Variants in MYO9B observed in about 807,000 individuals in gnomAD.
MYO9B encodes the protein unconventional myosin-IXb.
In MYO9B, 71 loss-of-function variants were observed where a neutral mutation model predicts 229.5. That is an observed-to-expected ratio of 0.31 (90% confidence interval 0.26 to 0.38). The LOEUF (loss-of-function observed/expected upper bound fraction) is 0.38. Ranked by LOEUF, MYO9B falls within the 10% of genes least tolerant of loss-of-function variation. The pLI is 1.00. For synonymous variants in MYO9B, 1,185 were observed against 1,235.8 expected, an observed-to-expected ratio of 0.96 and a Z score of 0.86; for missense variants, 2,255 against 2,920.5, an observed-to-expected ratio of 0.77 and a Z score of 5.25.
At chr19:17,080,927 T>C (rs1453083278) in intron 1 of MYO9B, among the ~76,000 whole-genome samples, 1 of 152,112 alleles carries the variant, frequency 6.6e-6, no homozygotes, top group East Asian at 1.9e-4. Context: ...GGTTTAGGAT[T>C]TCAATATGTG....
chr19:17,086,897 C>T (rs1031149324), intron 1 of MYO9B, among the ~76,000 whole-genome samples: 13 of 149,748 alleles, frequency 8.7e-5, no homozygotes, highest in Non-Finnish European at 1.6e-4. Context: ...AAAAAAGTCT[C>T]CAGACATTGT....
At chr19:17,107,856 T>A (rs2057806972) in intron 2 of MYO9B, among the ~76,000 whole-genome samples, 1 of 151,972 alleles carries the variant, frequency 6.6e-6, no homozygotes, top group Non-Finnish European at 1.5e-5. Flanking sequence ...TATTTCCAAA[T>A]AAGGTCACAT....
rs1213702207 is a variant in MYO9B, at chr19:17,163,241, TC to T, written c.1671+120del. ...AGCGGCGGTAAGTACATTCACATAT[TC>T]GCATTGTTATGCAAACGCCACCACC... On this transcript the variant is annotated intron_variant, in intron 10 of 39. Coordinates refer to ENST00000682292, the MANE Select transcript of MYO9B (RefSeq NM_004145.4). 2.0e-5 allele frequency: 23 copies of T among 1,163,526 alleles called. No homozygotes were observed. The East Asian group carries it at 6.0e-4, about 30-fold the overall frequency. The allele number at this position is 1,163,526 out of a possible 1,614,324, so 72.1% of individuals were successfully genotyped here. A position where few individuals can be genotyped will look rare whatever the true frequency, so the allele number is the denominator to read the frequency against.
chr19:17,166,829 G>T (rs2072665005), intron 10 of MYO9B, among the ~76,000 whole-genome samples: 1 of 152,160 alleles, frequency 6.6e-6, no homozygotes, highest in South Asian at 2.1e-4. Context: ...CAAAGGACAT[G>T]ACCTCATTCC....
At chr19:17,109,635 G>A (rs772617679) in intron 2 of MYO9B, among the ~76,000 whole-genome samples, 1 of 152,168 alleles carries the variant, frequency 6.6e-6, no homozygotes, top group Non-Finnish European at 1.5e-5. Context: ...GGCAGGGCTG[G>A]GTCCCTCTGG....
chr19:17,153,712 A>AAAAGAAAG (rs1217240817), intron 4 of MYO9B, among the ~76,000 whole-genome samples: 1 of 151,616 alleles, frequency 6.6e-6, no homozygotes, highest in African/African-American at 2.4e-5. Context: ...AAAAAAAAAG[A>AAAAGAAAG]AAAGAAAGAA....
intron 2 of MYO9B, among the ~76,000 whole-genome samples, chr19:17,118,875 G>T (rs1244013404): frequency 1.3e-5 from 2 of 152,168 alleles, no homozygotes; most frequent in Non-Finnish European, 2.9e-5. Flanking sequence ...TAATAAGATT[G>T]TCCTCCAAGG....
Position 17,210,818 on chromosome 19 carries a change from T to C in MYO9B, c.5900T>C (p.Ile1967Thr), listed in dbSNP as rs2073218998. Residue 1967 changes from isoleucine to threonine, a missense_variant, in exon 38 of 40, where the codon ATT becomes ACT. Ile to Thr is a moderately conservative substitution (Grantham distance 89). Coordinates refer to ENST00000682292, the MANE Select transcript of MYO9B (RefSeq NM_004145.4). ...GAGGACCGGGAAAAGGAGATTCTCA[T>C]TGAACGGATCCAGTCCATCAAGGAG... The part of the protein sequence containing the change: ...GDEDREKEIL[I>T]ERIQSIKEEK... 8 of 1,598,566 alleles carry C rather than the reference T, an allele frequency of 5.0e-6. No homozygotes were observed. Among genetic ancestry groups the C allele is most frequent in the South Asian group, 1.1e-5 (1 of 88,152 alleles).
chr19:17,111,554 C>T (rs373302077), intron 2 of MYO9B, among the ~76,000 whole-genome samples: 46 of 152,122 alleles, frequency 3.0e-4, no homozygotes, highest in Non-Finnish European at 4.4e-5. Context: ...TCTCAAGCAG[C>T]TGAGAATACA....
Position 17,102,302 on chromosome 19 carries a change from C to T in MYO9B, c.585C>T (p.Tyr195=), listed in dbSNP as rs528945811. 9 of 1,613,968 alleles carry T rather than the reference C, an allele frequency of 5.6e-6. No homozygotes were observed. The highest frequency in any genetic ancestry group is 2.2e-5 in the East Asian group (1 of 44,898). The change falls in exon 2 of 40, where the codon TAC becomes TAT. Residue 195 remains tyrosine, a synonymous_variant. Coordinates refer to ENST00000682292, the MANE Select transcript of MYO9B (RefSeq NM_004145.4). ...ACCCCTTTAAGTTCCTGCCCATCTA[C>T]AACCCCAAGTACGTGAAGATGTATG... ...AINPFKFLPI[Y]NPKYVKMYEN...
chr19:17,144,941 G>A (rs2072388381), intron 2 of MYO9B, among the ~76,000 whole-genome samples: 4 of 138,926 alleles, frequency 2.9e-5, no homozygotes, highest in Admixed American at 2.5e-4. Context: ...CTGCACTCCA[G>A]CCAAGGCAAC....
intron 3 of MYO9B, among the ~76,000 whole-genome samples, chr19:17,149,485 C>T (rs974606695): frequency 6.6e-6 from 1 of 152,214 alleles, no homozygotes; most frequent in Non-Finnish European, 1.5e-5. Flanking sequence ...AAAGTCGTAT[C>T]TGTGGCCTTG....
intron 2 of MYO9B, among the ~76,000 whole-genome samples, chr19:17,141,543 C>A (rs2072339830): frequency 6.6e-6 from 1 of 150,848 alleles, no homozygotes; most frequent in African/African-American, 2.5e-5. Flanking sequence ...TTACAGCCCG[C>A]ATCCTGCTGG....
At chr19:17,161,334 C>T (rs1306514855) in intron 8 of MYO9B, among the ~76,000 whole-genome samples, 1 of 152,114 alleles carries the variant, frequency 6.6e-6, no homozygotes, top group African/African-American at 2.4e-5. Context: ...TGTGCAGGCA[C>T]ATCCTCCAGG....
intron 2 of MYO9B, among the ~76,000 whole-genome samples, chr19:17,136,352 C>T (rs567882358): frequency 6.0e-4 from 91 of 152,010 alleles, no homozygotes; most frequent in African/African-American, 2.1e-3. Flanking sequence ...GGGTTTCACT[C>T]CAAATAACAA....
At chr19:17,100,024 A>C (rs1228327791) in intron 1 of MYO9B, among the ~76,000 whole-genome samples, 1 of 151,004 alleles carries the variant, frequency 6.6e-6, no homozygotes, top group Non-Finnish European at 1.5e-5. Context: ...TGGGAGGCTG[A>C]GACAGGAGAA....
At chr19:17,132,684 C>T (rs1266002498) in intron 2 of MYO9B, among the ~76,000 whole-genome samples, 1 of 145,080 alleles carries the variant, frequency 6.9e-6, no homozygotes, top group Admixed American at 7.0e-5. Flanking sequence ...GCCACCACCA[C>T]GCCCAGCTAA....
chr19:17,159,633 G>A, intron 8 of MYO9B, 149 bp downstream of exon 8: 1 of 781,888 alleles, frequency 1.3e-6, no homozygotes, highest in East Asian at 2.8e-5. Context: ...GCAAGCTCAG[G>A]TGTGGCACAA....
intron 14 of MYO9B, among the ~76,000 whole-genome samples, chr19:17,178,069 G>C (rs2072810729): frequency 6.6e-6 from 1 of 152,204 alleles, no homozygotes; most frequent in Admixed American, 6.5e-5. Context: ...CAGGGCTGCG[G>C]GTGGGCCAAA....
Sources: allele counts gnomAD v4.1 joint callset (sites outside exome capture counted in the v4.1 genomes callset), GRCh38; gene constraint gnomAD v4.1.1; transcripts MANE v1.5; gene names NCBI Gene and HGNC (gene_info 2026-07-23, HGNC 2026-07-21).